BRD1: variants seen among roughly 807,000 people sequenced by gnomAD.
The protein encoded by BRD1 is bromodomain containing 1, also known as bromodomain-containing protein 1.
In BRD1, 24 loss-of-function variants were observed where a neutral mutation model predicts 107.7. The ratio of observed to expected loss-of-function variants is 0.22; its 90% CI spans 0.16 to 0.31. BRD1 has a LOEUF of 0.31. BRD1 is among the 10% of genes least tolerant of loss of function. The pLI, the probability that BRD1 is intolerant of heterozygous loss-of-function variation, is 1.00. For synonymous variants in BRD1, 744 were observed against 686.1 expected, an observed-to-expected ratio of 1.08 and a Z score of -1.32; for missense variants, 1,279 against 1,638.6, an observed-to-expected ratio of 0.78 and a Z score of 3.79.
chr22:49,785,379 C>T (rs1307120231), intron 8 of BRD1, among the ~76,000 whole-genome samples: 1 of 152,276 alleles, frequency 6.6e-6, no homozygotes, highest in African/African-American at 2.4e-5. Flanking sequence ...CGCCGACAGA[C>T]GTGAAACCCC....
At chr22:49,811,421 C>G (rs1410584966) in intron 2 of BRD1, among the ~76,000 whole-genome samples, 1 of 152,154 alleles carries the variant, frequency 6.6e-6, no homozygotes, top group Admixed American at 6.5e-5. Context: ...AAGAGTCCCC[C>G]CTTAACCAAG....
intron 7 of BRD1, among the ~76,000 whole-genome samples, chr22:49,791,528 G>A (rs2059434237): frequency 1.3e-5 from 2 of 152,220 alleles, no homozygotes; most frequent in African/African-American, 4.8e-5. Context: ...TGATGGAGAG[G>A]CTTTACTGAT....
At position 49,775,875 on chromosome 22, in the gene BRD1, C is replaced by G. The variant is rs982719125; in HGVS notation, c.3232-130G>C. On this transcript the variant is annotated intron_variant, in intron 11 of 12. Transcript: ENST00000404760. Reference sequence around the variant, plus strand: ...CTCCTCAGACCACCCCCACGCCCCCCTCGCCGAACCACCCCTGCCCCTTCC... The same window carrying G: ...CTCCTCAGACCACCCCCACGCCCCCGTCGCCGAACCACCCCTGCCCCTTCC... 2.6e-5 allele frequency: 31 copies of G among 1,193,224 alleles called. 1 individual carries two copies. Among genetic ancestry groups the G allele is most frequent in the South Asian group, 1.3e-4 (8 of 61,668 alleles). The allele number at this position is 1,193,224 out of a possible 1,614,324, so 73.9% of individuals were successfully genotyped here. A position where few individuals can be genotyped will look rare whatever the true frequency, so the allele number is the denominator to read the frequency against.
rs115289583 is a variant in BRD1, at chr22:49,800,330, G to A, written c.1525-1211C>T. On this transcript the variant is annotated intron_variant, in intron 3 of 12. Transcript: ENST00000404760. ...GCTGCGCTGATGTCCCCTGAAGTGAGGATCTCTGGGTTTTCCTCAATGCTG... is the reference window on the plus strand; with the variant it reads ...GCTGCGCTGATGTCCCCTGAAGTGAAGATCTCTGGGTTTTCCTCAATGCTG... Among the ~76,000 whole-genome samples the A allele has an allele frequency of 4.4e-3, 675 of 152,256 alleles. 5 individuals carry two copies. The highest frequency in any genetic ancestry group is 0.015 in the African/African-American group (622 of 41,522).
intron 2 of BRD1, among the ~76,000 whole-genome samples, chr22:49,821,266 T>C (rs940964991): frequency 3.9e-5 from 6 of 152,244 alleles, no homozygotes; most frequent in Non-Finnish European, 8.8e-5. Flanking sequence ...CTTCAGACTT[T>C]TGGCTCTTCA....
chr22:49,800,140 T>A (rs1264768250), intron 3 of BRD1, among the ~76,000 whole-genome samples: 4 of 152,058 alleles, frequency 2.6e-5, no homozygotes, highest in Non-Finnish European at 5.9e-5. Context: ...CAGGGTACTG[T>A]CATAGCTTTT....
intron 8 of BRD1, among the ~76,000 whole-genome samples, chr22:49,785,750 A>G (rs976923505): frequency 6.6e-6 from 1 of 152,272 alleles, no homozygotes; most frequent in East Asian, 1.9e-4. Flanking sequence ...ATTTCTACAC[A>G]TTCAGTTACG....
chr22:49,818,906 T>C (rs1382326866), intron 2 of BRD1, among the ~76,000 whole-genome samples: 1 of 151,630 alleles, frequency 6.6e-6, no homozygotes, highest in Non-Finnish European at 1.5e-5. Context: ...TGTCATTCTA[T>C]ACAGGTGCAA....
chr22:49,798,692 G>A lies in BRD1; in HGVS notation c.1657-6C>T. The A allele has an allele frequency of 1.3e-6, 2 of 1,595,442 alleles. No homozygotes were observed. The highest frequency in any genetic ancestry group is 1.7e-6 in the Non-Finnish European group (2 of 1,171,920). On this transcript the variant is annotated splice_polypyrimidine_tract_variant and splice_region_variant and intron_variant, in intron 4 of 12. Transcript: ENST00000404760. ...GCGACCTGCTCCACCTTCACCTGGG[G>A]GGGCCCAGCAGAGCCTCAGCTTTAG...
intron 3 of BRD1, among the ~76,000 whole-genome samples, chr22:49,800,058 G>C (rs1402153935): frequency 6.6e-6 from 1 of 152,154 alleles, no homozygotes; most frequent in Admixed American, 6.5e-5. Flanking sequence ...TCAGTTTCTG[G>C]CACATGCTTC....
chr22:49,778,755 G>A (rs1379737110), intron 8 of BRD1, among the ~76,000 whole-genome samples: 3 of 152,246 alleles, frequency 2.0e-5, no homozygotes, highest in Non-Finnish European at 2.9e-5. Flanking sequence ...TCCACCTCCC[G>A]GGTTCACGCC....
intron 9 of BRD1, 100 bp downstream of exon 9, chr22:49,777,578 A>C (rs1292849098): frequency 6.7e-7 from 1 of 1,493,692 alleles, no homozygotes; most frequent in Non-Finnish European, 9.0e-7. Flanking sequence ...TTCAGAGAAC[A>C]CTAAGATGGG....
At chr22:49,781,654 G>A (rs1221683657) in intron 8 of BRD1, among the ~76,000 whole-genome samples, 2 of 152,138 alleles carry the variant, frequency 1.3e-5, no homozygotes, top group South Asian at 2.1e-4. Flanking sequence ...CGGCTTCTCC[G>A]GCTCATGGGA....
chr22:49,780,951 C>A (rs1002795442), intron 8 of BRD1, among the ~76,000 whole-genome samples: 1 of 152,238 alleles, frequency 6.6e-6, no homozygotes, highest in Non-Finnish European at 1.5e-5. Flanking sequence ...GAGCCCAAGC[C>A]TCTAAATCAT....
Position 49,783,616 on chromosome 22 carries a change from C to A in BRD1, c.2857+3774G>T, listed in dbSNP as rs2059259091. On this transcript the variant is annotated intron_variant, in intron 8 of 12. Coordinates refer to ENST00000404760, the MANE Select transcript of BRD1 (RefSeq NM_001304808.3). This position sits in a 1 kb window ranked among gnomAD's most constrained non-coding sequence, Gnocchi z 4.2. ...GCTGCAGCAGGCTCCCAGTCGGTGC[C>A]GGGCTCTCCTCTGCGTCCTTCGTGA... Among the ~76,000 whole-genome samples the A allele has an allele frequency of 6.6e-6, 1 of 152,192 alleles. No homozygotes were observed. Among genetic ancestry groups the A allele is most frequent in the South Asian group, 2.1e-4 (1 of 4,828 alleles).
At chr22:49,822,888 C>A in intron 2 of BRD1, 63 bp downstream of exon 2, 3 of 1,567,298 alleles carry the variant, frequency 1.9e-6, no homozygotes, top group Non-Finnish European at 2.6e-6. Flanking sequence ...CAGGCTGTGC[C>A]CACGTCCTCC....
In BRD1 at chr22:49,777,659, G is replaced by A. The variant is rs762398583; in HGVS notation, c.2993+19C>T. 49 of 1,598,216 alleles carry A rather than the reference G, an allele frequency of 3.1e-5. No individual in the cohort carries two copies. Among genetic ancestry groups the A allele is most frequent in the African/African-American group, 8.0e-5 (6 of 74,776 alleles). On this transcript the variant is annotated intron_variant, in intron 9 of 12. Coordinates refer to ENST00000404760, the MANE Select transcript of BRD1 (RefSeq NM_001304808.3). ...TGCTGGGAGCTGCGTGGTGGGAAGCGCAGGGCCGCGGTGCCCACCTCGAGT... is the reference window on the plus strand; with the variant it reads ...TGCTGGGAGCTGCGTGGTGGGAAGCACAGGGCCGCGGTGCCCACCTCGAGT...
intron 7 of BRD1, among the ~76,000 whole-genome samples, chr22:49,793,345 C>T (rs988825086): frequency 1.3e-5 from 2 of 152,192 alleles, no homozygotes; most frequent in Non-Finnish European, 2.9e-5. Context: ...CTGCATTTGC[C>T]CTGGGTTTTG....
intron 2 of BRD1, among the ~76,000 whole-genome samples, chr22:49,811,790 G>A (rs374562313): frequency 3.3e-5 from 5 of 152,194 alleles, no homozygotes; most frequent in East Asian, 3.9e-4. Flanking sequence ...CCCCACGGGC[G>A]GCAGAACAGG....
Sources: allele counts gnomAD v4.1 joint callset (sites outside exome capture counted in the v4.1 genomes callset), GRCh38; gene constraint gnomAD v4.1.1; non-coding constraint Gnocchi (gnomAD v3.1); transcripts MANE v1.5; gene names NCBI Gene and HGNC (gene_info 2026-07-23, HGNC 2026-07-21).